ZNF184: variants seen among roughly 807,000 people sequenced by gnomAD.
The protein encoded by ZNF184 is zinc finger protein 184 (Kruppel-like).
Under a neutral mutation model 54.4 loss-of-function variants are expected in ZNF184, and 16 were observed. The ratio of observed to expected loss-of-function variants is 0.29; its 90% CI spans 0.20 to 0.45. The LOEUF (loss-of-function observed/expected upper bound fraction) is 0.45, where lower values mean the gene tolerates loss of function less well. Ranked by LOEUF, ZNF184 falls within the 20% of genes least tolerant of loss-of-function variation. The probability of loss-of-function intolerance (pLI) is 1.00; values close to 1 mark genes in which losing one functional copy is unlikely to be tolerated. For missense variants in ZNF184, 681 were observed against 888.2 expected, an observed-to-expected ratio of 0.77 and a Z score of 2.97; for synonymous variants, 254 against 295.3, an observed-to-expected ratio of 0.86 and a Z score of 1.43.
chr6:27,430,264 A>G, the ZNF184 span, among the ~76,000 whole-genome samples: 6 of 152,164 alleles, frequency 3.9e-5, no homozygotes, highest in Non-Finnish European at 7.3e-5. Context: ...CCAGAGTAGC[A>G]TATTTTAGGA....
the ZNF184 span, among the ~76,000 whole-genome samples, chr6:27,422,897 C>A: frequency 6.6e-6 from 1 of 152,204 alleles, no homozygotes; most frequent in African/African-American, 2.4e-5. Flanking sequence ...CCCTCGTCCG[C>A]CGGATTCAGT....
intron 3 of ZNF184, among the ~76,000 whole-genome samples, chr6:27,458,207 A>T (rs549720320): frequency 6.0e-5 from 9 of 150,786 alleles, no homozygotes; most frequent in African/African-American, 2.2e-4. Context: ...CATGATGGAG[A>T]GAGAGATCGA....
rs907338660 is a variant in ZNF184 at position 27,451,443 on chromosome 6, T to C, written c.2116A>G (p.Thr706Ala). The C allele has an allele frequency of 2.5e-6, 4 of 1,614,024 alleles. No homozygotes were observed. Among genetic ancestry groups the C allele is most frequent in the African/African-American group, 2.7e-5 (2 of 74,914 alleles). Reference sequence around the variant, plus strand: ...ATGAGATATGTGCTCTGGCTAAAAGTCTTTCTGCATTCATTACAGTTATAA... The same window carrying C: ...ATGAGATATGTGCTCTGGCTAAAAGCCTTTCTGCATTCATTACAGTTATAA... ...KPYNCNECRKTFSQSTYLIQH... is the reference protein window; with the variant it reads ...KPYNCNECRKAFSQSTYLIQH... The change falls in exon 6 of 6, where the codon ACT (threonine) becomes GCT (alanine). Residue 706 changes from threonine to alanine, a missense_variant. Thr to Ala is a moderately conservative substitution (Grantham distance 58). Coordinates refer to ENST00000683788, the MANE Select transcript of ZNF184 (RefSeq NM_001318891.2).
intron 3 of ZNF184, among the ~76,000 whole-genome samples, chr6:27,459,533 T>C (rs369725509): frequency 1.4e-4 from 21 of 152,068 alleles, no homozygotes; most frequent in South Asian, 2.1e-4. Flanking sequence ...TCAGACTGGG[T>C]AACACTGCTA....
the ZNF184 span, among the ~76,000 whole-genome samples, chr6:27,422,213 A>AAAGG: frequency 8.0e-6 from 1 of 124,876 alleles, no homozygotes; most frequent in Non-Finnish European, 1.7e-5. Context: ...AGAAAGAAAG[A>AAAGG]AAGAAAAGAA....
At chr6:27,424,259 G>A in the ZNF184 span, among the ~76,000 whole-genome samples, 14 of 152,192 alleles carry the variant, frequency 9.2e-5, no homozygotes, top group Admixed American at 7.9e-4. Context: ...AGACTTTTGT[G>A]ATGACTTTTA....
chr6:27,405,912 C>T, the ZNF184 span: 4,653 of 152,250 alleles, frequency 0.031, 80 homozygotes, highest in African/African-American at 0.035. Context: ...TTGGTGGTTA[C>T]ATGCACATCT....
chr6:27,429,318 A>C, the ZNF184 span, among the ~76,000 whole-genome samples: 1 of 152,160 alleles, frequency 6.6e-6, no homozygotes, highest in Non-Finnish European at 1.5e-5. Flanking sequence ...TGTATTCATC[A>C]TATTGGCAAG....
At chr6:27,462,169 G>T (rs1410285616) in intron 3 of ZNF184, among the ~76,000 whole-genome samples, 1 of 152,076 alleles carries the variant, frequency 6.6e-6, no homozygotes, top group Admixed American at 6.6e-5. Flanking sequence ...ACTGTTTCCA[G>T]TAACTTAACT....
the ZNF184 span, among the ~76,000 whole-genome samples, chr6:27,442,866 GAAAGAAAGAA>G: frequency 1.7e-5 from 1 of 60,304 alleles, no homozygotes; most frequent in Non-Finnish European, 3.7e-5. Flanking sequence ...AAGAAAGAAA[GAAAGAAAGAA>G]AGAAAAAGAA....
chr6:27,452,244 T>A lies in ZNF184; in HGVS notation c.1315A>T (p.Thr439Ser). 1 of 1,614,116 alleles carries A rather than the reference T, an allele frequency of 6.2e-7. No homozygotes were observed. The highest frequency in any genetic ancestry group is 8.5e-7 in the Non-Finnish European group (1 of 1,180,006). ...TCATAGGGTTTCTCCCCAGTATGAGTTTTTTGATGCTGAGTGAGGTTTGAG... is the reference window on the plus strand; with the variant it reads ...TCATAGGGTTTCTCCCCAGTATGAGATTTTTGATGCTGAGTGAGGTTTGAG... The part of the protein sequence containing the change: ...QHSNLTQHQK[T>S]HTGEKPYDCA... The change falls in exon 6 of 6, where the codon ACT (threonine) becomes TCT (serine). Residue 439 changes from threonine (T) to serine (S), a missense_variant. By Grantham distance (58) the Thr-to-Ser change is moderately conservative. Transcript: ENST00000683788. This position sits in a 1 kb window ranked among gnomAD's most constrained non-coding sequence, Gnocchi z 5.5.
At position 27,451,585 on chromosome 6, in the gene ZNF184, A is replaced by T; in HGVS notation, c.1974T>A (p.Thr658=). 6.2e-7 allele frequency: 1 copy of T among 1,614,130 alleles called. No individual in the cohort carries two copies. The highest frequency in any genetic ancestry group is 1.1e-5 in the South Asian group (1 of 91,082). Residue 658 remains threonine, a synonymous_variant, in exon 6 of 6, where the codon ACT becomes ACA. Transcript: ENST00000683788. The part of the protein sequence containing the change: ...EKTFSQSSHL[T]QHQRIHTGEK... ...CCCCAGTGTGAATTCGTTGATGCTG[A>T]GTTAGATGGGAGCTCTGGCTAAAGG...
the ZNF184 span, among the ~76,000 whole-genome samples, chr6:27,430,035 G>A: frequency 2.0e-5 from 3 of 152,172 alleles, no homozygotes; most frequent in African/African-American, 7.2e-5. Context: ...TTAATTGGGT[G>A]GAGAAGTGAC....
At chr6:27,442,834 G>GAA in the ZNF184 span, among the ~76,000 whole-genome samples, 2 of 40,984 alleles carry the variant, frequency 4.9e-5, no homozygotes, top group Non-Finnish European at 1.0e-4. Context: ...AAGAAAGAAA[G>GAA]AAAGAAAGAA....
At chr6:27,420,149 T>C in the ZNF184 span, among the ~76,000 whole-genome samples, 1 of 152,210 alleles carries the variant, frequency 6.6e-6, no homozygotes, top group Non-Finnish European at 1.5e-5. Flanking sequence ...ATATTTTCCA[T>C]AGCATTTATT....
At chr6:27,413,458 A>G in the ZNF184 span, among the ~76,000 whole-genome samples, 3 of 152,248 alleles carry the variant, frequency 2.0e-5, no homozygotes, top group African/African-American at 7.2e-5. Context: ...TAATTATGAC[A>G]AATTTAAAAC....
the ZNF184 span, chr6:27,407,716 A>G: frequency 1.4e-6 from 1 of 735,394 alleles, no homozygotes; most frequent in Non-Finnish European, 2.5e-6. Flanking sequence ...ACATCCATGT[A>G]CCTTACAGAA....
At chr6:27,439,955 T>C in the ZNF184 span, among the ~76,000 whole-genome samples, 3 of 152,220 alleles carry the variant, frequency 2.0e-5, no homozygotes, top group Non-Finnish European at 2.9e-5. Flanking sequence ...TATTAGGAGA[T>C]GAAACTGACT....
chr6:27,436,749 T>C, the ZNF184 span, among the ~76,000 whole-genome samples: 5 of 152,350 alleles, frequency 3.3e-5, no homozygotes, highest in South Asian at 8.3e-4. Flanking sequence ...TATGTGTCAC[T>C]TGAGAATGTA....
Sources: allele counts gnomAD v4.1 joint callset (sites outside exome capture counted in the v4.1 genomes callset), GRCh38; gene constraint gnomAD v4.1.1; non-coding constraint Gnocchi (gnomAD v3.1); transcripts MANE v1.5; gene names NCBI Gene and HGNC (gene_info 2026-07-23, HGNC 2026-07-21).